Variants in PCBD2 observed in about 807,000 individuals in gnomAD.
PCBD2 encodes the protein pterin-4 alpha-carbinolamine dehydratase 2.
Under a neutral mutation model 16.4 loss-of-function variants are expected in PCBD2, and 12 were observed. The ratio of observed to expected loss-of-function variants is 0.73; its 90% CI spans 0.47 to 1.19. The LOEUF is 1.19. Among genes scored for constraint, PCBD2 ranks in the 50% most tolerant of loss-of-function variants. The probability of loss-of-function intolerance (pLI) is 0.00; values close to 1 mark genes in which losing one functional copy is unlikely to be tolerated. For synonymous variants in PCBD2, 58 were observed against 61.8 expected, an observed-to-expected ratio of 0.94 and a Z score of 0.29; for missense variants, 138 against 156.8, an observed-to-expected ratio of 0.88 and a Z score of 0.64.
intron 2 of PCBD2, among the ~76,000 whole-genome samples, chr5:134,953,016 A>G (rs1751375775): frequency 6.6e-6 from 1 of 151,910 alleles, no homozygotes; most frequent in South Asian, 2.1e-4. Flanking sequence ...AGCCTGTTCA[A>G]TATAATTTAT....
At chr5:134,956,456 G>A (rs1000547279) in intron 2 of PCBD2, among the ~76,000 whole-genome samples, 3 of 152,154 alleles carry the variant, frequency 2.0e-5, no homozygotes, top group African/African-American at 7.2e-5. Flanking sequence ...TCTGTGTTCC[G>A]ATCATCCACT....
chr5:134,912,553 C>A (rs557187798), intron 2 of PCBD2, among the ~76,000 whole-genome samples: 1 of 152,132 alleles, frequency 6.6e-6, no homozygotes, highest in African/African-American at 2.4e-5. Context: ...TTTAATAAAT[C>A]GTATCTATAG....
At chr5:134,922,398 C>G (rs960319933) in intron 2 of PCBD2, among the ~76,000 whole-genome samples, 41 of 152,096 alleles carry the variant, frequency 2.7e-4, no homozygotes, top group East Asian at 3.9e-4. Flanking sequence ...CCTTTCCATG[C>G]CCCATCTCAC....
chr5:134,933,104 G>GT (rs1489593766), intron 2 of PCBD2, among the ~76,000 whole-genome samples: 2 of 152,164 alleles, frequency 1.3e-5, no homozygotes, highest in Non-Finnish European at 1.5e-5. Flanking sequence ...AAAACGCTGT[G>GT]AATGTGCATT....
chr5:134,909,031 G>C (rs1442913724), intron 1 of PCBD2: 1 of 152,238 alleles, frequency 6.6e-6, no homozygotes, highest in African/African-American at 2.4e-5. Flanking sequence ...CCTGGAATGA[G>C]AACCCTGCTT....
chr5:134,934,491 C>T (rs1751136160), intron 2 of PCBD2, among the ~76,000 whole-genome samples: 1 of 152,138 alleles, frequency 6.6e-6, no homozygotes, highest in South Asian at 2.1e-4. Flanking sequence ...AGTCTTAGTG[C>T]ATCATTTTTT....
chr5:134,910,449 T>C lies in PCBD2; in HGVS notation c.199T>C (p.Phe67Leu). Reference protein sequence around the residue: ...ERDAIYKEFSFHNFNQAFGFM... With the variant: ...ERDAIYKEFSLHNFNQAFGFM... ...AGATGCCATCTACAAAGAATTCTCC[T>C]TCCACAATTTTAATCAGGTAATTGT... Residue 67 changes from phenylalanine to leucine, a missense_variant, in exon 2 of 4, where the codon TTC becomes CTC. By Grantham distance (22) the Phe-to-Leu change is conservative. Coordinates refer to ENST00000254908, the MANE Select transcript of PCBD2 (RefSeq NM_032151.5). 6.2e-7 allele frequency: 1 copy of C among 1,614,128 alleles called. No individual in the cohort carries two copies. The highest frequency in any genetic ancestry group is 8.5e-7 in the Non-Finnish European group (1 of 1,179,952).
chr5:134,919,655 G>A (rs1229201439), intron 2 of PCBD2, among the ~76,000 whole-genome samples: 2 of 152,188 alleles, frequency 1.3e-5, no homozygotes, highest in East Asian at 1.9e-4. Flanking sequence ...TGAGGCATTT[G>A]CCTGCATTGC....
intron 3 of PCBD2, among the ~76,000 whole-genome samples, chr5:134,959,518 T>C (rs1751451902): frequency 6.6e-6 from 1 of 152,188 alleles, no homozygotes; most frequent in South Asian, 2.1e-4. Flanking sequence ...TTGAAAACTA[T>C]TAAATTTTGT....
intron 2 of PCBD2, chr5:134,927,473 G>A (rs1468751795): frequency 5.0e-6 from 2 of 398,226 alleles, no homozygotes; most frequent in Non-Finnish European, 8.9e-6. Flanking sequence ...TGGCTCAGGA[G>A]TTTGATAGTT....
chr5:134,929,257 G>A (rs1343013860), intron 2 of PCBD2, among the ~76,000 whole-genome samples: 1 of 151,168 alleles, frequency 6.6e-6, no homozygotes, highest in Non-Finnish European at 1.5e-5. Flanking sequence ...CAAGGCGGGA[G>A]AATTGCTTGA....
At chr5:134,954,346 AC>A (rs1282284058) in intron 2 of PCBD2, among the ~76,000 whole-genome samples, 1 of 152,118 alleles carries the variant, frequency 6.6e-6, no homozygotes, top group Non-Finnish European at 1.5e-5. Context: ...ACTTTTATAT[AC>A]CTTCTTCATC....
At chr5:134,954,122 T>G (rs1459943841) in intron 2 of PCBD2, among the ~76,000 whole-genome samples, 1 of 152,142 alleles carries the variant, frequency 6.6e-6, no homozygotes, top group Non-Finnish European at 1.5e-5. Context: ...CATGCCCAGC[T>G]AATTTTTAAA....
intron 2 of PCBD2, among the ~76,000 whole-genome samples, chr5:134,920,880 G>A (rs1040834394): frequency 6.6e-6 from 1 of 152,254 alleles, no homozygotes; most frequent in Admixed American, 6.5e-5. Context: ...TGGCCAGGCT[G>A]TACTTGAACT....
chr5:134,934,366 G>A (rs1011807534), intron 2 of PCBD2, among the ~76,000 whole-genome samples: 10 of 152,160 alleles, frequency 6.6e-5, no homozygotes, highest in African/African-American at 2.2e-4. Flanking sequence ...TGTTGGGCAG[G>A]TGCTGGAGAG....
chr5:134,921,471 G>A (rs996672620), intron 2 of PCBD2, among the ~76,000 whole-genome samples: 1 of 152,114 alleles, frequency 6.6e-6, no homozygotes, highest in African/African-American at 2.4e-5. Flanking sequence ...CTAGGACAGG[G>A]AGTAAGAGGA....
At chr5:134,911,899 T>C (rs1184894982) in intron 2 of PCBD2, among the ~76,000 whole-genome samples, 3 of 152,252 alleles carry the variant, frequency 2.0e-5, no homozygotes, top group African/African-American at 7.2e-5. Flanking sequence ...AGTAAGCCTG[T>C]GCATAAGCTC....
intron 1 of PCBD2, among the ~76,000 whole-genome samples, chr5:134,905,909 A>G (rs555918424): frequency 1.2e-4 from 18 of 152,152 alleles, no homozygotes; most frequent in Non-Finnish European, 2.6e-4. Flanking sequence ...GTCTCGCTGT[A>G]TCGCCGAGCC....
At chr5:134,945,073 ATAT>A (rs1751275944) in intron 2 of PCBD2, among the ~76,000 whole-genome samples, 1 of 152,240 alleles carries the variant, frequency 6.6e-6, no homozygotes, top group South Asian at 2.1e-4. Context: ...TATGTCTCAA[ATAT>A]TATTGCTTAA....
Sources: allele counts gnomAD v4.1 joint callset (sites outside exome capture counted in the v4.1 genomes callset), GRCh38; gene constraint gnomAD v4.1.1; transcripts MANE v1.5; gene names NCBI Gene and HGNC (gene_info 2026-07-23, HGNC 2026-07-21).